The following ACO1 variants were observed in gnomAD, a reference collection of about 807,000 sequenced individuals.
ACO1 encodes the protein aconitase 1, also known as cytoplasmic aconitate hydratase.
In ACO1, 78 loss-of-function variants were observed where a neutral mutation model predicts 105.1. That is an observed-to-expected ratio of 0.74 (90% CI 0.62 to 0.90). The LOEUF is 0.90. Among genes scored for constraint, ACO1 ranks in the 40% least tolerant of loss-of-function variants. The pLI, the probability that ACO1 is intolerant of heterozygous loss-of-function variation, is 0.00. For missense variants in ACO1, 965 were observed against 1,111.1 expected, an observed-to-expected ratio of 0.87 and a Z score of 1.87; for synonymous variants, 364 against 397.4, an observed-to-expected ratio of 0.92 and a Z score of 1.00.
intron 19 of ACO1, among the ~76,000 whole-genome samples, chr9:32,448,529 T>C (rs994262587): frequency 2.6e-5 from 4 of 152,198 alleles, no homozygotes; most frequent in East Asian, 1.9e-4. Context: ...GTGAAGGCCA[T>C]GGGAAAAGCG....
At chr9:32,445,814 T>C (rs1822592479) in intron 19 of ACO1, 1 of 153,958 alleles carries the variant, frequency 6.5e-6, no homozygotes, top group Non-Finnish European at 1.4e-5. Context: ...GTACGTTGTG[T>C]CTTTGTTCTC....
At chr9:32,406,860 T>C (rs1821622349) in intron 2 of ACO1, among the ~76,000 whole-genome samples, 1 of 152,246 alleles carries the variant, frequency 6.6e-6, no homozygotes, top group African/African-American at 2.4e-5. Context: ...CTTGGCTCAC[T>C]GCAACCTCTG....
rs781185630 is a variant in ACO1 at position 32,419,165 on chromosome 9, C to A, written c.786C>A (p.Leu262=). Residue 262 remains leucine, a synonymous_variant, in exon 7 of 21, where the codon CTC becomes CTA. Coordinates refer to ENST00000309951, the MANE Select transcript of ACO1 (RefSeq NM_002197.3). ...HPLVTSTDIV[L]TITKHLRQVG... Reference sequence around the variant, plus strand: ...TGGTAACATCCACTGACATCGTGCTCACCATTACCAAGGTAACAATGTGCA... The same window carrying A: ...TGGTAACATCCACTGACATCGTGCTAACCATTACCAAGGTAACAATGTGCA... The A allele has an allele frequency of 1.3e-6, 2 of 1,588,392 alleles. No homozygotes were observed. The highest frequency in any genetic ancestry group is 3.5e-5 in the Admixed American group (2 of 56,478).
intron 1 of ACO1, among the ~76,000 whole-genome samples, chr9:32,398,915 T>C (rs112290469): frequency 0.015 from 2,261 of 152,282 alleles, 62 homozygotes; most frequent in African/African-American, 0.05. Flanking sequence ...TTCTAAATGC[T>C]GAAAGAAAAT....
rs1355281119 is a variant in ACO1 at position 32,407,386 on chromosome 9, G to A, written c.223G>A (p.Glu75Lys). 6.2e-7 allele frequency: 1 copy of A among 1,614,112 alleles called. No individual in the cohort carries two copies. Among genetic ancestry groups the A allele is most frequent in the South Asian group, 1.1e-5 (1 of 91,080 alleles). ...GAATGTCACGCAGCACAAGAACATA[G>A]AAGTGCCATTTAAGCCTGCTCGTGT... ...HWNVTQHKNI[E>K]VPFKPARVIL... The change falls in exon 3 of 21, where the codon GAA becomes AAA. Residue 75 changes from glutamate (E) to lysine (K), a missense_variant. Physicochemically the swap from Glu to Lys is moderately conservative, Grantham distance 56 (BLOSUM62 1). Coordinates refer to ENST00000309951, the MANE Select transcript of ACO1 (RefSeq NM_002197.3).
intron 1 of ACO1, among the ~76,000 whole-genome samples, chr9:32,387,297 G>T (rs1821174960): frequency 6.6e-6 from 1 of 152,184 alleles, no homozygotes; most frequent in Admixed American, 6.5e-5. Context: ...GTCCCAAGGA[G>T]CCAGTGGTTT....
intron 20 of ACO1, 85 bp downstream of exon 20, chr9:32,449,166 GT>G: frequency 7.4e-7 from 1 of 1,359,836 alleles, no homozygotes; most frequent in Non-Finnish European, 9.9e-7. Context: ...AATTAGTGAG[GT>G]TTAGAAGGCA....
Position 32,421,064 on chromosome 9 carries a change from A to T in ACO1, c.970+37A>T, listed in dbSNP as rs183999523. On this transcript the variant is annotated intron_variant, in intron 8 of 20. Transcript: ENST00000309951. ...GCCCTGAAAGCATCGGGCTTTTTGT[A>T]AAAGTTCCATGAAACACCAAGAATC... 1.4e-3 allele frequency: 2,188 copies of T among 1,596,888 alleles called. 1 individual carries two copies. The highest frequency in any genetic ancestry group is 1.7e-3 in the Non-Finnish European group (1,973 of 1,166,592).
chr9:32,431,006 T>C (rs1320226853), intron 14 of ACO1, among the ~76,000 whole-genome samples: 2 of 152,214 alleles, frequency 1.3e-5, no homozygotes, highest in African/African-American at 4.8e-5. Context: ...CTAAGCCGAA[T>C]AGATAATATG....
Position 32,395,869 on chromosome 9 carries a change from A to G in ACO1, c.-22-9616A>G, listed in dbSNP as rs549767270. Among the ~76,000 whole-genome samples, 38 of 152,382 alleles carry G rather than the reference A, an allele frequency of 2.5e-4. 1 individual carries two copies. In the South Asian group the frequency reaches 6.0e-3, roughly 24 times the overall value. On this transcript the variant is annotated intron_variant, in intron 1 of 20. Coordinates refer to ENST00000309951, the MANE Select transcript of ACO1 (RefSeq NM_002197.3). ...TATTTCTGTGAGTTTGTGCTGCTGC[A>G]ACTAATTTAAAACGAGCTTAGAGGA...
At position 32,449,032 on chromosome 9, in the gene ACO1, C is replaced by G. The variant is rs749994493; in HGVS notation, c.2507C>G (p.Thr836Ser). Reference sequence around the variant, plus strand: ...GGGCTCACAGGGCAAGAACGATACACTATCATTATTCCAGAAAACCTCAAA... The same window carrying G: ...GGGCTCACAGGGCAAGAACGATACAGTATCATTATTCCAGAAAACCTCAAA... ...ALGLTGQERYTIIIPENLKPQ... is the reference protein window; with the variant it reads ...ALGLTGQERYSIIIPENLKPQ... The change falls in exon 20 of 21, where the codon ACT becomes AGT. Residue 836 changes from threonine (T) to serine (S), a missense_variant. Coordinates refer to ENST00000309951, the MANE Select transcript of ACO1 (RefSeq NM_002197.3). 7 of 1,612,812 alleles carry G rather than the reference C, an allele frequency of 4.3e-6. No homozygotes were observed. The highest frequency in any genetic ancestry group is 5.9e-6 in the Non-Finnish European group (7 of 1,179,122).
At position 32,423,326 on chromosome 9, in the gene ACO1, TGAA is replaced by T; in HGVS notation, c.982_984del (p.Glu328del). ...CCTTAAAATGCCTTTTAGGTCGTGATGAAGAAAAATTAAAGTATATTAAAAAAT... is the reference window on the plus strand; with the variant it reads ...CCTTAAAATGCCTTTTAGGTCGTGATGAAAAATTAAAGTATATTAAAAAAT... On this transcript the variant is annotated inframe_deletion, in exon 9 of 21. Transcript: ENST00000309951. 1 of 1,585,570 alleles carries T rather than the reference TGAA, an allele frequency of 6.3e-7. No homozygotes were observed. The highest frequency in any genetic ancestry group is 1.2e-5 in the South Asian group (1 of 85,372).
At chr9:32,393,123 G>A (rs1821300804) in intron 1 of ACO1, among the ~76,000 whole-genome samples, 2 of 152,218 alleles carry the variant, frequency 1.3e-5, no homozygotes, top group Admixed American at 6.5e-5. Context: ...CAATGTTCAA[G>A]GAACAAGAGA....
chr9:32,389,884 C>T (rs1821231340), intron 1 of ACO1, among the ~76,000 whole-genome samples: 1 of 151,440 alleles, frequency 6.6e-6, no homozygotes, highest in Admixed American at 6.6e-5. Context: ...CTCCAACCTC[C>T]ACCTCCCGGG....
rs1310420752 is a variant in ACO1, at chr9:32,439,132, C to T, written c.2248-1333C>T. ...CTCTGATCTTGGGTAACATGACGTG[C>T]TTTGCCATGAGATTGTCAACTTTGC... is the stretch of plus-strand genomic sequence containing the variant. On this transcript the variant is annotated intron_variant, in intron 18 of 20. Coordinates refer to ENST00000309951, the MANE Select transcript of ACO1 (RefSeq NM_002197.3). This position sits in a 1 kb window ranked among gnomAD's most constrained non-coding sequence, Gnocchi z 4.0. Among the ~76,000 whole-genome samples, 1 of 152,178 alleles carries T rather than the reference C, an allele frequency of 6.6e-6. No homozygotes were observed. Among genetic ancestry groups the T allele is most frequent in the African/African-American group, 2.4e-5 (1 of 41,450 alleles).
chr9:32,436,104 T>G (rs1822350214), intron 17 of ACO1, 146 bp from the exon 18 acceptor site: 3 of 1,097,642 alleles, frequency 2.7e-6, no homozygotes, highest in Non-Finnish European at 4.1e-6. Flanking sequence ...ACAGCTTTTC[T>G]GCCATGGAGA....
At chr9:32,411,492 A>G (rs1821737829) in intron 4 of ACO1, among the ~76,000 whole-genome samples, 1 of 152,218 alleles carries the variant, frequency 6.6e-6, no homozygotes, top group South Asian at 2.1e-4. Flanking sequence ...AACTTGAAAA[A>G]TATGGCAAAG....
At chr9:32,433,913 C>G (rs1282168674) in intron 16 of ACO1, 81 bp downstream of exon 16, 3 of 1,094,916 alleles carry the variant, frequency 2.7e-6, no homozygotes, top group Admixed American at 4.9e-5. Flanking sequence ...ACCCCATGCT[C>G]TTGCTTTGAC....
At chr9:32,426,166 A>G (rs554173248) in intron 11 of ACO1, among the ~76,000 whole-genome samples, 169 bp downstream of exon 11, 1 of 152,382 alleles carries the variant, frequency 6.6e-6, no homozygotes, top group South Asian at 2.1e-4. Context: ...AATAGTATCC[A>G]AAGCAAAGTT....
Sources: gnomAD v4.1 joint callset for allele counts (sites outside exome capture counted in the v4.1 genomes callset) on GRCh38, gnomAD v4.1.1 for gene constraint, Gnocchi (gnomAD v3.1) non-coding constraint, MANE v1.5 for transcripts, NCBI Gene and HGNC (gene_info 2026-07-23, HGNC 2026-07-21) for gene names.